The following ALG14 variants were observed in gnomAD, a reference collection of about 807,000 sequenced individuals.
ALG14 encodes UDP-N-acetylglucosamine transferase subunit ALG14.
In ALG14, 17 loss-of-function variants were observed where a neutral mutation model predicts 22.8. That is an observed-to-expected ratio of 0.75 (90% CI 0.51 to 1.12). The LOEUF (loss-of-function observed/expected upper bound fraction) is 1.12. Ranked by LOEUF, ALG14 falls within the 50% of genes most tolerant of loss-of-function variation. ALG14 has a pLI of 0.00. For synonymous variants in ALG14, 89 were observed against 103.7 expected (o/e 0.86, Z 0.86); for missense variants, 288 against 271.8 (o/e 1.06, Z -0.42).
At chr1:95,041,959 TA>T (rs1256297053) in intron 2 of ALG14, among the ~76,000 whole-genome samples, 1 of 152,162 alleles carries the variant, frequency 6.6e-6, no homozygotes, top group African/African-American at 2.4e-5. Context: ...ACTTCCAAAA[TA>T]AAAGGATATG....
chr1:94,981,683 G>GTTTTT lies in ALG14; in HGVS notation c.*1388_*1392dup, dbSNP rs56027924. On this transcript the variant is annotated 3_prime_UTR_variant, in exon 4 of 4. Coordinates refer to ENST00000370205, the MANE Select transcript of ALG14 (RefSeq NM_144988.4). ...TCTTTTCTGTTTTTTATTTTGTTTT[G>GTTTTT]TTTTTTTTTTTTTTGGCTGCTTTGT... is the stretch of plus-strand genomic sequence containing the variant. 7.6e-6 allele frequency: 1 copy of GTTTTT among 131,664 alleles called. No individual in the cohort carries two copies. Among genetic ancestry groups the GTTTTT allele is most frequent in the Admixed American group, 7.7e-5 (1 of 13,054 alleles). The allele number at this position is 131,664 out of a possible 1,614,324, so 8.2% of individuals were successfully genotyped here.
In ALG14 at chr1:94,976,038, A is replaced by C. The variant is rs1672392288; in HGVS notation, c.*7038T>G. The C allele has an allele frequency of 6.6e-6, 1 of 151,386 alleles. No individual in the cohort carries two copies. Among genetic ancestry groups the C allele is most frequent in the Non-Finnish European group, 1.5e-5 (1 of 68,602 alleles). The allele number at this position is 151,386 out of a possible 1,614,324, so 9.4% of individuals were successfully genotyped here. A position where few individuals can be genotyped will look rare whatever the true frequency, so the allele number is the denominator to read the frequency against. On this transcript the variant is annotated 3_prime_UTR_variant, in exon 4 of 4. Coordinates refer to ENST00000370205, the MANE Select transcript of ALG14 (RefSeq NM_144988.4). Reference sequence around the variant, plus strand: ...TCTCAAAAAAAAAAAAAAAAAAAAAAAAGAAAGAAGAGCCTCCTTAACACA... The same window carrying C: ...TCTCAAAAAAAAAAAAAAAAAAAAACAAGAAAGAAGAGCCTCCTTAACACA...
chr1:94,983,363 AT>A (rs567742719), intron 3 of ALG14, 57 bp from the exon 4 acceptor site: 12 of 1,438,856 alleles, frequency 8.3e-6, no homozygotes, highest in Non-Finnish European at 1.1e-5. Flanking sequence ...TAAGGGAGGC[AT>A]TTTGCATTAA....
rs1672520833 is a variant in ALG14, at chr1:94,982,564, A to G, written c.*512T>C. On this transcript the variant is annotated 3_prime_UTR_variant, in exon 4 of 4. Transcript: ENST00000370205. ...CAAATTGTCATGAAGCCAATTTAAT[A>G]TAACTGCTTCCTTTATGCTGAAAGG... The G allele has an allele frequency of 6.5e-6, 1 of 153,252 alleles. No individual in the cohort carries two copies. Among genetic ancestry groups the G allele is most frequent in the Non-Finnish European group, 1.5e-5 (1 of 68,912 alleles). The allele number at this position is 153,252 out of a possible 1,614,324, so 9.5% of individuals were successfully genotyped here.
intron 3 of ALG14, among the ~76,000 whole-genome samples, chr1:94,986,210 C>T (rs1672635336): frequency 6.6e-6 from 1 of 152,170 alleles, no homozygotes; most frequent in African/African-American, 2.4e-5. Flanking sequence ...TGTCTCACAC[C>T]ACCACCCGGG....
intron 3 of ALG14, among the ~76,000 whole-genome samples, chr1:94,996,908 C>T (rs1168331694): frequency 1.3e-5 from 2 of 152,106 alleles, no homozygotes; most frequent in African/African-American, 4.8e-5. Context: ...GTATCGAATT[C>T]CTGACCTCAG....
At chr1:95,004,868 T>C (rs1176928152) in intron 3 of ALG14, among the ~76,000 whole-genome samples, 2 of 147,098 alleles carry the variant, frequency 1.4e-5, no homozygotes, top group South Asian at 4.3e-4. Flanking sequence ...TGCAGTAGCA[T>C]GATCTCAACT....
At chr1:95,065,088 C>A in intron 1 of ALG14, 71 bp from the exon 2 acceptor site, 2 of 1,358,408 alleles carry the variant, frequency 1.5e-6, no homozygotes, top group South Asian at 1.6e-5. Context: ...CATGTTATAC[C>A]AATATCATGG....
rs1483378553 is a variant in ALG14, at chr1:95,072,734, A to G, written c.136+29T>C. The G allele has an allele frequency of 3.7e-6, 6 of 1,604,424 alleles. No individual in the cohort carries two copies. The South Asian group carries it at 6.6e-5, about 18-fold the overall frequency. Reference sequence around the variant, plus strand: ...TCTGGGGTTTGTAGTGACCAACCCAAGTCCGACAGTCGCCTCCTCGATACT... The same window carrying G: ...TCTGGGGTTTGTAGTGACCAACCCAGGTCCGACAGTCGCCTCCTCGATACT... On this transcript the variant is annotated intron_variant, in intron 1 of 3. Coordinates refer to ENST00000370205, the MANE Select transcript of ALG14 (RefSeq NM_144988.4).
chr1:95,058,810 T>C (rs902888306), intron 2 of ALG14, among the ~76,000 whole-genome samples: 5 of 151,888 alleles, frequency 3.3e-5, no homozygotes, highest in African/African-American at 1.2e-4. Flanking sequence ...GTTGATGTTA[T>C]GATGAGATTT....
chr1:95,054,718 T>C (rs531508382), intron 2 of ALG14, among the ~76,000 whole-genome samples: 1 of 152,330 alleles, frequency 6.6e-6, no homozygotes, highest in East Asian at 1.9e-4. Context: ...CAGGTGGTTT[T>C]GTCTTAGACA....
intron 2 of ALG14, among the ~76,000 whole-genome samples, chr1:95,037,054 G>GA (rs1432339155): frequency 8.5e-5 from 13 of 152,156 alleles, no homozygotes; most frequent in Non-Finnish European, 7.3e-5. Context: ...AGACTTCAGG[G>GA]AAAAACAAAG....
chr1:95,042,224 C>T (rs370853257), intron 2 of ALG14, among the ~76,000 whole-genome samples: 2 of 152,082 alleles, frequency 1.3e-5, no homozygotes, highest in South Asian at 4.2e-4. Context: ...AGCCCCCACC[C>T]CAACACTCTA....
In ALG14 at chr1:94,977,643, T is replaced by C. The variant is rs531699034; in HGVS notation, c.*5433A>G. ...TATAGCTCACACAAACAAAAGCTCA[T>C]TGGGATATATTTTTTTTTTTTCTGA... On this transcript the variant is annotated 3_prime_UTR_variant, in exon 4 of 4. Transcript: ENST00000370205. 3 of 128,838 alleles carry C rather than the reference T, an allele frequency of 2.3e-5. No homozygotes were observed. The highest frequency in any genetic ancestry group is 9.7e-5 in the African/African-American group (3 of 30,992). 8.0% of individuals were successfully genotyped at this position (128,838 alleles called of 1,614,324 possible). A position where few individuals can be genotyped will look rare whatever the true frequency, so the allele number is the denominator to read the frequency against.
At chr1:95,030,344 G>T (rs1673960792) in intron 2 of ALG14, among the ~76,000 whole-genome samples, 1 of 151,668 alleles carries the variant, frequency 6.6e-6, no homozygotes, top group Admixed American at 6.6e-5. Context: ...AGCTCTTTAG[G>T]ATTTCAGACT....
At chr1:95,059,011 G>A (rs1675040296) in intron 2 of ALG14, among the ~76,000 whole-genome samples, 1 of 151,968 alleles carries the variant, frequency 6.6e-6, no homozygotes, top group Non-Finnish European at 1.5e-5. Flanking sequence ...TATTTAGCCT[G>A]ATAATTACTG....
At chr1:94,986,823 C>T (rs1039874140) in intron 3 of ALG14, among the ~76,000 whole-genome samples, 7 of 149,732 alleles carry the variant, frequency 4.7e-5, no homozygotes, top group South Asian at 2.1e-4. Context: ...TCCTCGGGAA[C>T]GAACCACTGT....
rs541705565 is a variant in ALG14, at chr1:95,052,219, T to A, written c.288+12647A>T. ...TGAAGGAACGAATGAAATACATACC[T>A]CTGAAAGAAACACACTGAATCCAAA... On this transcript the variant is annotated intron_variant, in intron 2 of 3. Coordinates refer to ENST00000370205, the MANE Select transcript of ALG14 (RefSeq NM_144988.4). Among the ~76,000 whole-genome samples, 173 of 152,070 alleles carry A rather than the reference T, an allele frequency of 1.1e-3. 2 individuals carry two copies. The highest frequency in any genetic ancestry group is 1.3e-3 in the Non-Finnish European group (90 of 68,000).
At chr1:95,007,113 G>T (rs141847323) in intron 3 of ALG14, among the ~76,000 whole-genome samples, 197 of 152,268 alleles carry the variant, frequency 1.3e-3, no homozygotes, top group South Asian at 2.9e-3. Flanking sequence ...AACAATCACC[G>T]TACTGCCAGT....
Sources: allele counts gnomAD v4.1 joint callset (sites outside exome capture counted in the v4.1 genomes callset), GRCh38; gene constraint gnomAD v4.1.1; transcripts MANE v1.5; gene names NCBI Gene and HGNC (gene_info 2026-07-23, HGNC 2026-07-21).